Variants in TAF11L5 observed in about 807,000 individuals in gnomAD.
TAF11L5 encodes TAF11 RNA polymerase II, TATA box binding protein (TBP)-associated factor, 28kDa pseudogene.
chr5:17,525,542 AG>A, the TAF11L5 span: 1 of 262,896 alleles, frequency 3.8e-6, no homozygotes, highest in East Asian at 4.4e-5. Context: ...GCCATGTCTG[AG>A]GAGCAGCTGT....
Sources: gnomAD v4.1 joint callset for allele counts on GRCh38, gnomAD v4.1.1 for gene constraint, MANE v1.5 for transcripts, NCBI Gene and HGNC (gene_info 2026-07-23, HGNC 2026-07-21) for gene names.